Variants in THRB observed in about 807,000 individuals in gnomAD.
The protein encoded by THRB is nuclear receptor subfamily 1 group A member 2.
Under a neutral mutation model 47.8 loss-of-function variants are expected in THRB, and 12 were observed. The ratio of observed to expected loss-of-function variants is 0.25; its 90% CI spans 0.16 to 0.41. THRB has a LOEUF of 0.41. Ranked by LOEUF, THRB falls within the 10% of genes least tolerant of loss-of-function variation. The pLI, the probability that THRB is intolerant of heterozygous loss-of-function variation, is 1.00. For missense variants in THRB, 348 were observed against 589.2 expected, an observed-to-expected ratio of 0.59 and a Z score of 4.24; for synonymous variants, 218 against 212.2, an observed-to-expected ratio of 1.03 and a Z score of -0.24.
chr3:24,201,440 T>C (rs972166089), intron 4 of THRB, among the ~76,000 whole-genome samples: 1 of 152,192 alleles, frequency 6.6e-6, no homozygotes, highest in South Asian at 2.1e-4. Flanking sequence ...GTTAGAAATG[T>C]GGGATTTCTG....
intron 2 of THRB, among the ~76,000 whole-genome samples, chr3:24,326,754 G>GTTTTTTTT (rs1300726453): frequency 1.7e-5 from 1 of 58,966 alleles, no homozygotes; most frequent in Non-Finnish European, 2.8e-5. Context: ...GTCCAGTCTT[G>GTTTTTTTT]TCTTTTTTTT....
At chr3:24,262,500 C>T (rs544581239) in intron 3 of THRB, among the ~76,000 whole-genome samples, 2 of 152,312 alleles carry the variant, frequency 1.3e-5, no homozygotes, top group Admixed American at 6.5e-5. Flanking sequence ...ATTGTGTCTT[C>T]AGCTGTTGTT....
rs144604646 is a variant in THRB, at chr3:24,308,020, TGA to T, written c.-188-10651_-188-10650del. 7.8e-3 allele frequency among the ~76,000 whole-genome samples: 1,192 copies of T among 152,246 alleles called. 8 individuals carry two copies. Among genetic ancestry groups the T allele is most frequent in the South Asian group, 0.019 (90 of 4,810 alleles). On this transcript the variant is annotated intron_variant, in intron 2 of 10. Transcript: ENST00000646209. Reference sequence around the variant, plus strand: ...CCATCCGGCAAAGAAAGTGAGAGGTTGAGTTTTGAAGAAGGGCAGGCTGTAAG... The same window carrying T: ...CCATCCGGCAAAGAAAGTGAGAGGTTGTTTTGAAGAAGGGCAGGCTGTAAG...
chr3:24,136,409 T>C (rs1162808911), intron 8 of THRB, among the ~76,000 whole-genome samples: 1 of 152,170 alleles, frequency 6.6e-6, no homozygotes, highest in Non-Finnish European at 1.5e-5. Flanking sequence ...TATCCATGAA[T>C]TGACCCGAGT....
At chr3:24,364,514 C>A (rs1346433872) in intron 1 of THRB, among the ~76,000 whole-genome samples, 1 of 152,098 alleles carries the variant, frequency 6.6e-6, no homozygotes, top group Non-Finnish European at 1.5e-5. Flanking sequence ...GTTGTCATCC[C>A]CATTTTACAG....
At chr3:24,209,515 T>C (rs2045781580) in intron 4 of THRB, among the ~76,000 whole-genome samples, 1 of 152,242 alleles carries the variant, frequency 6.6e-6, no homozygotes, top group African/African-American at 2.4e-5. Flanking sequence ...GATAAGTTCA[T>C]GTCCTTTGTA....
At chr3:24,466,558 T>C (rs1454578396) in intron 1 of THRB, among the ~76,000 whole-genome samples, 1 of 152,178 alleles carries the variant, frequency 6.6e-6, no homozygotes, top group Non-Finnish European at 1.5e-5. Flanking sequence ...TACCCTCCAA[T>C]CTCAACTACA....
chr3:24,477,087 T>A (rs1011987050), intron 1 of THRB, among the ~76,000 whole-genome samples: 8 of 121,916 alleles, frequency 6.6e-5, no homozygotes, highest in African/African-American at 1.0e-4. Flanking sequence ...TATAAAGGGG[T>A]GTGTGTGTGT....
chr3:24,386,190 A>G (rs769905730), intron 1 of THRB, among the ~76,000 whole-genome samples: 14 of 152,084 alleles, frequency 9.2e-5, no homozygotes, highest in South Asian at 4.1e-4. Context: ...CTCTCTCTAC[A>G]TGACATCTTT....
chr3:24,384,485 C>A (rs1179707999), intron 1 of THRB, among the ~76,000 whole-genome samples: 1 of 152,034 alleles, frequency 6.6e-6, no homozygotes, highest in Non-Finnish European at 1.5e-5. Flanking sequence ...GGGGGTGGAG[C>A]AATGGTGAAA....
intron 2 of THRB, among the ~76,000 whole-genome samples, chr3:24,322,649 G>A (rs1425304883): frequency 6.6e-6 from 1 of 152,130 alleles, no homozygotes; most frequent in African/African-American, 2.4e-5. Context: ...TTCCTTCAAT[G>A]TATAGTTGCT....
At chr3:24,416,907 G>T (rs1209890787) in intron 1 of THRB, among the ~76,000 whole-genome samples, 1 of 151,826 alleles carries the variant, frequency 6.6e-6, no homozygotes, top group Non-Finnish European at 1.5e-5. Flanking sequence ...ATTTCTAACT[G>T]CTTTGCTTTA....
At chr3:24,456,046 C>T (rs550169058) in intron 1 of THRB, among the ~76,000 whole-genome samples, 16 of 152,194 alleles carry the variant, frequency 1.1e-4, no homozygotes, top group African/African-American at 2.6e-4. Flanking sequence ...AAAATAAGTT[C>T]GGCCAGGCAT....
chr3:24,260,445 A>G (rs2051838342), intron 3 of THRB, among the ~76,000 whole-genome samples: 2 of 152,140 alleles, frequency 1.3e-5, no homozygotes, highest in African/African-American at 2.4e-5. Context: ...AAATGGTACA[A>G]TTTCCATGCT....
intron 3 of THRB, among the ~76,000 whole-genome samples, chr3:24,289,814 C>A (rs917524548): frequency 2.6e-5 from 4 of 152,150 alleles, no homozygotes; most frequent in African/African-American, 9.7e-5. Flanking sequence ...ACTGACATGA[C>A]TAAAAATTCA....
intron 9 of THRB, among the ~76,000 whole-genome samples, 167 bp from the exon 10 acceptor site, chr3:24,127,924 A>T (rs1251320663): frequency 6.6e-6 from 1 of 152,220 alleles, no homozygotes; most frequent in East Asian, 1.9e-4. Context: ...GACTTTCGAC[A>T]ACCATTTTTC....
chr3:24,333,657 T>C (rs1272161577), intron 2 of THRB, among the ~76,000 whole-genome samples: 1 of 152,228 alleles, frequency 6.6e-6, no homozygotes, highest in Non-Finnish European at 1.5e-5. Flanking sequence ...TATGTGTGGG[T>C]TAAAAAAATG....
chr3:24,264,789 T>C (rs1380868658), intron 3 of THRB, among the ~76,000 whole-genome samples: 2 of 86,224 alleles, frequency 2.3e-5, no homozygotes, highest in Non-Finnish European at 5.2e-5. Flanking sequence ...AACAGCAATC[T>C]TGTTGCAAAA....
intron 9 of THRB, among the ~76,000 whole-genome samples, chr3:24,132,379 A>G (rs2033999099): frequency 6.6e-6 from 1 of 152,228 alleles, no homozygotes; most frequent in South Asian, 2.1e-4. Context: ...CAGGATGGAA[A>G]TGTAACAGAT....
Sources: gnomAD v4.1 joint callset for allele counts (sites outside exome capture counted in the v4.1 genomes callset) on GRCh38, gnomAD v4.1.1 for gene constraint, MANE v1.5 for transcripts, NCBI Gene and HGNC (gene_info 2026-07-23, HGNC 2026-07-21) for gene names.